The following STAB2 variants were observed in gnomAD, a reference collection of about 807,000 sequenced individuals.
STAB2 encodes the protein stabilin-2.
STAB2 carries 288 observed loss-of-function variants against 338.1 expected under a neutral mutation model. That is an observed-to-expected ratio of 0.85 (90% CI 0.77 to 0.94). STAB2 has a LOEUF of 0.94. STAB2 is among the 40% of genes least tolerant of loss of function. The pLI is 0.00. For missense variants in STAB2, 3,141 were observed against 3,210.1 expected (o/e 0.98, Z 0.52); for synonymous variants, 1,202 against 1,193.3 (o/e 1.01, Z -0.15).
In STAB2 at chr12:103,677,577, A is replaced by C; in HGVS notation, c.2771A>C (p.Asp924Ala). The C allele has an allele frequency of 6.2e-7, 1 of 1,614,064 alleles. No individual in the cohort carries two copies. The highest frequency in any genetic ancestry group is 1.7e-4 in the Middle Eastern group (1 of 6,060). Residue 924 changes from aspartate (D) to alanine (A), a missense_variant, in exon 25 of 69, where the codon GAC becomes GCC. Asp to Ala is a moderately radical substitution (Grantham distance 126). Transcript: ENST00000388887. ...CTGCCCAGTGCAGGCGGCTGCCACGACAACGCATCCTGTTTGTATGTGGGT... is the reference window on the plus strand; with the variant it reads ...CTGCCCAGTGCAGGCGGCTGCCACGCCAACGCATCCTGTTTGTATGTGGGT... ...CLLPSAGGCH[D>A]NASCLYVGPG...
intron 26 of STAB2, among the ~76,000 whole-genome samples, chr12:103,683,645 T>A (rs910802954): frequency 6.6e-6 from 1 of 152,246 alleles, no homozygotes; most frequent in Non-Finnish European, 1.5e-5. Context: ...TCATTCAATA[T>A]TTTTATTTGC....
Position 103,746,658 on chromosome 12 carries a change from G to T in STAB2, c.6198G>T (p.Thr2066=), listed in dbSNP as rs201428610. The part of the protein sequence containing the change: ...SAHATCKENN[T]CECNLDYEGD... The stretch of plus-strand genomic sequence containing the variant: ...ATGCCACCTGTAAGGAGAACAACAC[G>T]TGTGAGTGTAACCTGGATTATGAAG... The change falls in exon 58 of 69, where the codon ACG becomes ACT. Residue 2066 remains threonine (T), a synonymous_variant. Coordinates refer to ENST00000388887, the MANE Select transcript of STAB2 (RefSeq NM_017564.10). 6.2e-7 allele frequency: 1 copy of T among 1,614,098 alleles called. No individual in the cohort carries two copies. The highest frequency in any genetic ancestry group is 8.5e-7 in the Non-Finnish European group (1 of 1,179,976).
At chr12:103,744,118 G>A (rs558997582) in intron 56 of STAB2, among the ~76,000 whole-genome samples, 60 of 150,678 alleles carry the variant, frequency 4.0e-4, no homozygotes, top group African/African-American at 1.4e-3. Flanking sequence ...GTGGTGAGAG[G>A]TGGTGGAATT....
At chr12:103,692,309 A>G (rs2138914461) in intron 30 of STAB2, among the ~76,000 whole-genome samples, 1 of 152,252 alleles carries the variant, frequency 6.6e-6, no homozygotes, top group South Asian at 2.1e-4. Flanking sequence ...CCTCACTTTA[A>G]CTTGATCATC....
At chr12:103,614,829 AC>A in intron 3 of STAB2, among the ~76,000 whole-genome samples, 1 of 152,334 alleles carries the variant, frequency 6.6e-6, no homozygotes. Flanking sequence ...TGTCGAGCAC[AC>A]CCAGTGGTTC....
intron 10 of STAB2, among the ~76,000 whole-genome samples, chr12:103,649,140 C>A (rs879767765): frequency 2.0e-4 from 31 of 152,170 alleles, no homozygotes; most frequent in Non-Finnish European, 3.8e-4. Context: ...TACAAACTGT[C>A]CCCCTCGTCC....
chr12:103,645,745 A>G (rs1416096868), intron 9 of STAB2, among the ~76,000 whole-genome samples: 1 of 152,202 alleles, frequency 6.6e-6, no homozygotes, highest in Admixed American at 6.5e-5. Context: ...CCTTATAAAA[A>G]GGTTTCTCAG....
intron 35 of STAB2, among the ~76,000 whole-genome samples, chr12:103,703,586 C>T (rs1318902027): frequency 6.6e-6 from 1 of 152,048 alleles, no homozygotes; most frequent in African/African-American, 2.4e-5. Flanking sequence ...GATTTTGGAC[C>T]ATGGCTTTCT....
chr12:103,587,497 A>G lies in STAB2; in HGVS notation c.21A>G (p.Val7=). MMLQHL[V]IFCLGLVVQN... ...TCCTCATGATGCTACAACATTTAGTAATTTTTTGTCTTGGATTGGTTGTAC... is the reference window on the plus strand; with the variant it reads ...TCCTCATGATGCTACAACATTTAGTGATTTTTTGTCTTGGATTGGTTGTAC... Residue 7 remains valine (V), a synonymous_variant, in exon 1 of 69, where the codon GTA becomes GTG. Coordinates refer to ENST00000388887, the MANE Select transcript of STAB2 (RefSeq NM_017564.10). 4 of 1,614,008 alleles carry G rather than the reference A, an allele frequency of 2.5e-6. No homozygotes were observed. Among genetic ancestry groups the G allele is most frequent in the South Asian group, 1.1e-5 (1 of 91,060 alleles).
At chr12:103,648,432 G>C (rs575325075) in intron 9 of STAB2, among the ~76,000 whole-genome samples, 1 of 152,208 alleles carries the variant, frequency 6.6e-6, no homozygotes, top group East Asian at 1.9e-4. Context: ...GATGTGCATG[G>C]TTTCTTGATC....
intron 10 of STAB2, among the ~76,000 whole-genome samples, chr12:103,649,579 G>T (rs1873585746): frequency 6.6e-6 from 1 of 152,206 alleles, no homozygotes; most frequent in African/African-American, 2.4e-5. Context: ...GAATTTACCA[G>T]TTGCCAAAAA....
At chr12:103,705,808 T>C in intron 37 of STAB2, 81 bp downstream of exon 37, 1 of 1,322,756 alleles carries the variant, frequency 7.6e-7, no homozygotes. Flanking sequence ...TCAAAATCCC[T>C]GTGCAGGTAT....
chr12:103,740,848 G>C, intron 55 of STAB2, 92 bp downstream of exon 55: 10 of 1,453,482 alleles, frequency 6.9e-6, no homozygotes, highest in Non-Finnish European at 8.2e-6. Context: ...ATTATAGGGG[G>C]ATGGGGGAAA....
intron 7 of STAB2, 88 bp downstream of exon 7, chr12:103,637,324 C>T: frequency 6.7e-7 from 1 of 1,498,258 alleles, no homozygotes; most frequent in African/African-American, 1.4e-5. Context: ...CTCCTTAACA[C>T]AATGACCATT....
chr12:103,751,448 T>A (rs1883643415), intron 60 of STAB2, among the ~76,000 whole-genome samples: 1 of 152,118 alleles, frequency 6.6e-6, no homozygotes, highest in African/African-American at 2.4e-5. Flanking sequence ...AGCCATGACA[T>A]AAAGTTTCCA....
In STAB2 at chr12:103,685,470, G is replaced by C. The variant is rs541565738; in HGVS notation, c.2997+386G>C. Among the ~76,000 whole-genome samples, 3 of 140,676 alleles carry C rather than the reference G, an allele frequency of 2.1e-5. No individual in the cohort carries two copies. In the East Asian group the frequency reaches 7.6e-4, roughly 35 times the overall value. 92.3% of individuals were successfully genotyped at this position (140,676 alleles called of 152,430 possible). On this transcript the variant is annotated intron_variant, in intron 27 of 68. Transcript: ENST00000388887. ...TGTGTGTGTGCGCGTGCGTGTGTGTGTGCGTGCGCGCATGTGTGTGTGTGT... is the reference window on the plus strand; with the variant it reads ...TGTGTGTGTGCGCGTGCGTGTGTGTCTGCGTGCGCGCATGTGTGTGTGTGT...
At chr12:103,756,757 G>A (rs996274733) in intron 63 of STAB2, among the ~76,000 whole-genome samples, 5 of 151,964 alleles carry the variant, frequency 3.3e-5, no homozygotes, top group Non-Finnish European at 5.9e-5. Flanking sequence ...GGATCCATGT[G>A]GAAGTTAGAC....
chr12:103,758,067 C>A (rs1593350560), intron 63 of STAB2, 103 bp from the exon 64 acceptor site: 10 of 1,537,416 alleles, frequency 6.5e-6, no homozygotes, highest in South Asian at 1.2e-5. Context: ...TTGGCTCACA[C>A]CATGAATATT....
At chr12:103,670,590 C>T (rs893279474) in intron 21 of STAB2, 106 bp from the exon 22 acceptor site, 7 of 857,478 alleles carry the variant, frequency 8.2e-6, no homozygotes, top group African/African-American at 1.7e-5. Context: ...CCCAGAGGGT[C>T]ATGTCAAGTG....
Sources: allele counts gnomAD v4.1 joint callset (sites outside exome capture counted in the v4.1 genomes callset), GRCh38; gene constraint gnomAD v4.1.1; transcripts MANE v1.5; gene names NCBI Gene and HGNC (gene_info 2026-07-23, HGNC 2026-07-21).